The following CLYBL variants were observed in gnomAD, a reference collection of about 807,000 sequenced individuals.
The protein encoded by CLYBL is citramalyl-CoA lyase, mitochondrial.
A neutral mutation model predicts 38.9 loss-of-function variants in CLYBL; 31 were observed. The ratio of observed to expected loss-of-function variants is 0.80; its 90% CI spans 0.60 to 1.08. The LOEUF is 1.08. CLYBL is among the 50% of genes least tolerant of loss of function. The pLI is 0.00. For synonymous variants in CLYBL, 171 were observed against 158.6 expected, an observed-to-expected ratio of 1.08 and a Z score of -0.59; for missense variants, 434 against 411.6, an observed-to-expected ratio of 1.05 and a Z score of -0.47.
chr13:99,650,530 C>T (rs143115723), intron 1 of CLYBL, among the ~76,000 whole-genome samples: 1 of 152,310 alleles, frequency 6.6e-6, no homozygotes, highest in Admixed American at 6.5e-5. Flanking sequence ...TTGCCAAATT[C>T]TCACTGGCAG....
chr13:99,663,258 C>T lies in CLYBL; in HGVS notation c.62+56501C>T, dbSNP rs1260331603. ...TCTGAAACTGGAGCAAACAGGGCGC[C>T]GTTTGATACTAGCCCCATGTGTGGG... is the stretch of plus-strand genomic sequence containing the variant. On this transcript the variant is annotated intron_variant, in intron 1 of 8. Transcript: ENST00000339105. 5.9e-5 allele frequency among the ~76,000 whole-genome samples: 9 copies of T among 152,176 alleles called. No individual in the cohort carries two copies. In the South Asian group the frequency reaches 8.3e-4, roughly 14 times the overall value.
intron 1 of CLYBL, among the ~76,000 whole-genome samples, chr13:99,680,180 A>G (rs1033696547): frequency 2.0e-5 from 3 of 152,200 alleles, no homozygotes; most frequent in Non-Finnish European, 4.4e-5. Context: ...CATTCTTTAT[A>G]AACATCGTCT....
intron 1 of CLYBL, among the ~76,000 whole-genome samples, chr13:99,683,927 G>A (rs2047777807): frequency 6.7e-6 from 1 of 149,104 alleles, no homozygotes; most frequent in South Asian, 2.1e-4. Flanking sequence ...GGAGAGCAGT[G>A]GCACAATCTC....
intron 1 of CLYBL, among the ~76,000 whole-genome samples, chr13:99,613,184 A>G (rs1284590145): frequency 5.3e-5 from 8 of 152,150 alleles, no homozygotes; most frequent in Non-Finnish European, 1.5e-5. Flanking sequence ...TAAAGTATTC[A>G]TAGTAAGACT....
intron 1 of CLYBL, among the ~76,000 whole-genome samples, chr13:99,745,800 T>C (rs1168774671): frequency 6.6e-6 from 1 of 151,928 alleles, no homozygotes; most frequent in East Asian, 1.9e-4. Context: ...TGTTTTTTTC[T>C]AAAAATTATT....
chr13:99,694,769 G>A (rs1456703769), intron 1 of CLYBL, among the ~76,000 whole-genome samples: 1 of 152,212 alleles, frequency 6.6e-6, no homozygotes, highest in Non-Finnish European at 1.5e-5. Context: ...TTGCGCATGT[G>A]CCCTGGACAT....
At chr13:99,625,565 T>C (rs2139217123) in intron 1 of CLYBL, among the ~76,000 whole-genome samples, 1 of 152,320 alleles carries the variant, frequency 6.6e-6, no homozygotes, top group Non-Finnish European at 1.5e-5. Flanking sequence ...GATGCGATTT[T>C]CCCTTTTTTA....
rs35480092 is a variant in CLYBL, at chr13:99,721,039, C to CTT, written c.63-51771_63-51770dup. ...GCATCCATTCTGTAGTTCCCTAATT[C>CTT]TTTTTTTTTTTTTTTCTTTTTGAAA... On this transcript the variant is annotated intron_variant, in intron 1 of 8. Transcript: ENST00000339105. Among the ~76,000 whole-genome samples, 64 of 141,274 alleles carry CTT rather than the reference C, an allele frequency of 4.5e-4. 1 individual carries two copies. The highest frequency in any genetic ancestry group is 9.0e-4 in the South Asian group (4 of 4,444). 92.7% of individuals were successfully genotyped at this position (141,274 alleles called of 152,430 possible).
chr13:99,909,081 C>T lies in CLYBL; in HGVS notation c.*1187C>T, dbSNP rs527373245. 3.5e-3 allele frequency among the ~76,000 whole-genome samples: 527 copies of T among 152,288 alleles called. 2 individuals are homozygous for T. Among genetic ancestry groups the T allele is most frequent in the African/African-American group, 0.011 (470 of 41,548 alleles). ...CTTTATGTCAGGTACCTAGACATAG[C>T]GGAACAGAAAACCCTTCAAAAGTTC... is the stretch of plus-strand genomic sequence containing the variant. On this transcript the variant is annotated 3_prime_UTR_variant and NMD_transcript_variant, in exon 10 of 10. Coordinates refer to the CLYBL transcript ENST00000689673.
At chr13:99,786,200 C>CTTTTTT (rs199863527) in intron 2 of CLYBL, among the ~76,000 whole-genome samples, 5 of 122,548 alleles carry the variant, frequency 4.1e-5, no homozygotes, top group Non-Finnish European at 8.7e-5. Flanking sequence ...CTTAGCTTTC[C>CTTTTTT]TTTTTTTTTT....
chr13:99,859,086 A>C, intron 3 of CLYBL, 37 bp downstream of exon 3: 7 of 1,558,424 alleles, frequency 4.5e-6, no homozygotes, highest in Non-Finnish European at 6.1e-6. Context: ...ACTCAGGAGC[A>C]GCTAAGGAGG....
intron 2 of CLYBL, among the ~76,000 whole-genome samples, chr13:99,803,389 A>T: frequency 6.6e-6 from 1 of 152,272 alleles, no homozygotes; most frequent in East Asian, 1.9e-4. Flanking sequence ...TGCTGGCTTC[A>T]CCAGCCCATC....
At chr13:99,779,187 G>C (rs577325612) in intron 2 of CLYBL, among the ~76,000 whole-genome samples, 9 of 152,200 alleles carry the variant, frequency 5.9e-5, no homozygotes, top group African/African-American at 1.9e-4. Context: ...TTGTCGCCCG[G>C]GCTGGAGTGC....
At chr13:99,623,538 A>G (rs2046826967) in intron 1 of CLYBL, among the ~76,000 whole-genome samples, 2 of 152,120 alleles carry the variant, frequency 1.3e-5, no homozygotes, top group African/African-American at 4.8e-5. Context: ...TCCCTCAAGC[A>G]GGGAAGGCAA....
intron 1 of CLYBL, among the ~76,000 whole-genome samples, chr13:99,705,677 G>A (rs1273227574): frequency 2.0e-5 from 3 of 152,038 alleles, no homozygotes; most frequent in Non-Finnish European, 4.4e-5. Flanking sequence ...ATATGTGATT[G>A]TACTTATATG....
intron 1 of CLYBL, among the ~76,000 whole-genome samples, chr13:99,670,470 T>C (rs992000238): frequency 1.3e-5 from 2 of 152,198 alleles, no homozygotes; most frequent in Admixed American, 6.5e-5. Flanking sequence ...TTATGTTTCC[T>C]GAAACAAAAC....
Position 99,606,695 on chromosome 13 carries a change from G to T in CLYBL, c.-1G>T. On this transcript the variant is annotated 5_prime_UTR_variant, in exon 1 of 9. Transcript: ENST00000339105. ...AAGGGCGGGGCGCGCGCGTCGGGAA[G>T]ATGGCGCTACGTCTGCTGCGGAGGG... 2 of 1,491,106 alleles carry T rather than the reference G, an allele frequency of 1.3e-6. No homozygotes were observed. Among genetic ancestry groups the T allele is most frequent in the Non-Finnish European group, 1.8e-6 (2 of 1,126,684 alleles). The allele number at this position is 1,491,106 out of a possible 1,614,324, so 92.4% of individuals were successfully genotyped here.
chr13:99,804,247 G>A (rs2050189266), intron 2 of CLYBL, among the ~76,000 whole-genome samples: 1 of 152,362 alleles, frequency 6.6e-6, no homozygotes, highest in South Asian at 2.1e-4. Context: ...TGCTGCAGGA[G>A]TTTGGGCCAC....
chr13:99,763,146 G>T (rs1355026233), intron 1 of CLYBL, among the ~76,000 whole-genome samples: 1 of 152,008 alleles, frequency 6.6e-6, no homozygotes, highest in Non-Finnish European at 1.5e-5. Flanking sequence ...TTTCCAGTTT[G>T]GATACCCTTT....
Sources: allele counts gnomAD v4.1 joint callset (sites outside exome capture counted in the v4.1 genomes callset), GRCh38; gene constraint gnomAD v4.1.1; transcripts MANE v1.5; gene names NCBI Gene and HGNC (gene_info 2026-07-23, HGNC 2026-07-21).